The following RBFA variants were observed in gnomAD, a reference collection of about 807,000 sequenced individuals.
The protein encoded by RBFA is putative ribosome-binding factor A, mitochondrial.
Under a neutral mutation model 27.9 loss-of-function variants are expected in RBFA, and 16 were observed. The ratio of observed to expected loss-of-function variants is 0.57; its 90% confidence interval spans 0.39 to 0.87. The LOEUF (loss-of-function observed/expected upper bound fraction) is 0.87, where lower values mean the gene tolerates loss of function less well. RBFA is among the 40% of genes least tolerant of loss of function. The pLI, the probability that RBFA is intolerant of heterozygous loss-of-function variation, is 0.00. For missense variants in RBFA, 456 were observed against 432.1 expected, an observed-to-expected ratio of 1.06 and a Z score of -0.49; for synonymous variants, 181 against 181.0, an observed-to-expected ratio of 1.00 and a Z score of 0.00.
At chr18:80,038,422 C>A in intron 3 of RBFA, 83 bp from the exon 4 acceptor site, 1 of 930,950 alleles carries the variant, frequency 1.1e-6, no homozygotes, top group Non-Finnish European at 1.7e-6. Context: ...GCGTCTGCAG[C>A]TGTCGTTTTC....
At chr18:80,034,914 T>C in intron 1 of RBFA, 1 of 431,844 alleles carries the variant, frequency 2.3e-6, no homozygotes, top group Non-Finnish European at 4.1e-6. Context: ...TTCAGAAGAT[T>C]AGTTTCAGAA....
chr18:80,050,494 A>G lies in RBFA; in HGVS notation c.*4339A>G, dbSNP rs187526225. 1.3e-5 allele frequency among the ~76,000 whole-genome samples: 2 copies of G among 152,296 alleles called. No homozygotes were observed. The highest frequency in any genetic ancestry group is 4.8e-5 in the African/African-American group (2 of 41,558). On this transcript the variant is annotated 3_prime_UTR_variant, in exon 7 of 7. Coordinates refer to ENST00000306735, the MANE Select transcript of RBFA (RefSeq NM_024805.3). ...GCATTTATCCTTTGTGCCACAAACA[A>G]TCCGATTATATTGTTTTAGTTATTT...
Position 80,046,265 on chromosome 18 carries a change from A to T in RBFA, c.*110A>T. 8.1e-7 allele frequency: 1 copy of T among 1,234,036 alleles called. No homozygotes were observed. The highest frequency in any genetic ancestry group is 1.1e-6 in the Non-Finnish European group (1 of 899,750). 76.4% of individuals were successfully genotyped at this position (1,234,036 alleles called of 1,614,324 possible). Reference sequence around the variant, plus strand: ...GAGTTAAACCATCTGCTCTTCTGCTACTTCAACATTTTCTAGCTTTTCCGT... The same window carrying T: ...GAGTTAAACCATCTGCTCTTCTGCTTCTTCAACATTTTCTAGCTTTTCCGT... On this transcript the variant is annotated 3_prime_UTR_variant, in exon 7 of 7. Coordinates refer to ENST00000306735, the MANE Select transcript of RBFA (RefSeq NM_024805.3).
chr18:80,045,851 C>A lies in RBFA; in HGVS notation c.728C>A (p.Ala243Glu). 6.3e-7 allele frequency: 1 copy of A among 1,579,386 alleles called. No individual in the cohort carries two copies. The change falls in exon 7 of 7, where the codon GCG (alanine) becomes GAG (glutamate). Residue 243 changes from alanine to glutamate, a missense_variant. Ala to Glu is a moderately radical substitution (Grantham distance 107). Transcript: ENST00000306735. Reference protein sequence around the residue: ...SSSLCGIDHEALNKQIMEYKR... With the variant: ...SSSLCGIDHEELNKQIMEYKR... ...AGTCTGTGTGGGATCGATCATGAGG[C>A]GCTCAACAAGCAGATTATGGAGTAC...
intron 5 of RBFA, among the ~76,000 whole-genome samples, chr18:80,043,627 A>T (rs2052031172): frequency 6.6e-6 from 1 of 152,110 alleles, no homozygotes; most frequent in African/African-American, 2.4e-5. Context: ...CTATGCTTGG[A>T]GCAGGATGAG....
At position 80,036,587 on chromosome 18, in the gene RBFA, T is replaced by C. The variant is rs187528677; in HGVS notation, c.159-81T>C. On this transcript the variant is annotated intron_variant, in intron 1 of 6. Coordinates refer to ENST00000306735, the MANE Select transcript of RBFA (RefSeq NM_024805.3). The stretch of plus-strand genomic sequence containing the variant: ...AAGTTTAGCCCCCTATAAACAGTTA[T>C]GGTATCATAACCTCTTAAATTAGCT... 715 of 1,027,218 alleles carry C rather than the reference T, an allele frequency of 7.0e-4. 4 individuals carry two copies. The highest frequency in any genetic ancestry group is 9.5e-4 in the Admixed American group (52 of 54,718). 63.6% of individuals were successfully genotyped at this position (1,027,218 alleles called of 1,614,324 possible). A position where few individuals can be genotyped will look rare whatever the true frequency, so the allele number is the denominator to read the frequency against.
At position 80,046,484 on chromosome 18, in the gene RBFA, G is replaced by A. The variant is rs567980473; in HGVS notation, c.*329G>A. 5 of 305,868 alleles carry A rather than the reference G, an allele frequency of 1.6e-5. No individual in the cohort carries two copies. Among genetic ancestry groups the A allele is most frequent in the Middle Eastern group, 1.1e-3 (1 of 894 alleles). 18.9% of individuals were successfully genotyped at this position (305,868 alleles called of 1,614,324 possible). A position where few individuals can be genotyped will look rare whatever the true frequency, so the allele number is the denominator to read the frequency against. Reference sequence around the variant, plus strand: ...TGCCAGTGAGTGCTTGGCCCGAGGGGTCAGGCCACAGCAGTGGCCGGGGTA... The same window carrying A: ...TGCCAGTGAGTGCTTGGCCCGAGGGATCAGGCCACAGCAGTGGCCGGGGTA... On this transcript the variant is annotated 3_prime_UTR_variant, in exon 7 of 7. Transcript: ENST00000306735.
chr18:80,045,228 C>CTTTT (rs35063027), intron 6 of RBFA, among the ~76,000 whole-genome samples: 1 of 138,726 alleles, frequency 7.2e-6, no homozygotes, highest in Non-Finnish European at 1.5e-5. Flanking sequence ...GTTGCAAACG[C>CTTTT]TTTTTTTTTT....
chr18:80,042,062 T>A, intron 4 of RBFA, 73 bp from the exon 5 acceptor site: 1 of 1,107,784 alleles, frequency 9.0e-7, no homozygotes, highest in South Asian at 1.5e-5. Context: ...TTGAATCATA[T>A]GTTCAGCACT....
intron 5 of RBFA, among the ~76,000 whole-genome samples, 165 bp downstream of exon 5, chr18:80,042,384 C>T (rs1260158276): frequency 6.6e-6 from 1 of 151,946 alleles, no homozygotes; most frequent in Non-Finnish European, 1.5e-5. Flanking sequence ...AGCCACCGGG[C>T]CCAGGTAATA....
At chr18:80,036,087 G>A (rs923335797) in intron 1 of RBFA, 6 of 152,292 alleles carry the variant, frequency 3.9e-5, no homozygotes, top group Non-Finnish European at 7.3e-5. Flanking sequence ...CTTCTGGGGT[G>A]TCTGTCTTTT....
chr18:80,036,756 G>A lies in RBFA; in HGVS notation c.201+46G>A, dbSNP rs149174800. The stretch of plus-strand genomic sequence containing the variant: ...ACTTTATAATCTTGATGGGAGTGAG[G>A]GTTTAAAAGTTGGCAAAACTCTTAC... On this transcript the variant is annotated intron_variant, in intron 2 of 6. Coordinates refer to ENST00000306735, the MANE Select transcript of RBFA (RefSeq NM_024805.3). 2.5e-3 allele frequency: 3,741 copies of A among 1,484,106 alleles called. 19 individuals are homozygous for A. The highest frequency in any genetic ancestry group is 2.0e-3 in the Non-Finnish European group (2,111 of 1,076,038). The allele number at this position is 1,484,106 out of a possible 1,614,324, so 91.9% of individuals were successfully genotyped here.
intron 3 of RBFA, 121 bp downstream of exon 3, chr18:80,037,627 C>T (rs949517008): frequency 1.0e-4 from 79 of 793,700 alleles, no homozygotes; most frequent in African/African-American, 6.6e-4. Flanking sequence ...CGGTGGCTCA[C>T]GCCTGTAATC....
At chr18:80,038,762 A>G in intron 4 of RBFA, 145 bp downstream of exon 4, 3 of 606,708 alleles carry the variant, frequency 4.9e-6, no homozygotes, top group Admixed American at 3.2e-5. Context: ...TGAAGTTCAT[A>G]GTATAATTTG....
In RBFA at chr18:80,049,348, C is replaced by T. The variant is rs997530980; in HGVS notation, c.*3193C>T. On this transcript the variant is annotated 3_prime_UTR_variant, in exon 7 of 7. Transcript: ENST00000306735. ...AGGTTAGGGACATGGAAGCTCACGC[C>T]CTTCTGAATGGGTCCACTCCCGGGG... Among the ~76,000 whole-genome samples the T allele has an allele frequency of 6.7e-6, 1 of 150,362 alleles. No individual in the cohort carries two copies. The highest frequency in any genetic ancestry group is 1.5e-5 in the Non-Finnish European group (1 of 67,614).
intron 3 of RBFA, 34 bp downstream of exon 3, chr18:80,037,540 G>A (rs762670594): frequency 5.1e-6 from 8 of 1,570,628 alleles, no homozygotes; most frequent in Non-Finnish European, 6.1e-6. Context: ...GAAATGGGTT[G>A]AGACAGCAGG....
In RBFA at chr18:80,046,062, C is replaced by T. The variant is rs376464436; in HGVS notation, c.939C>T (p.Tyr313=). The T allele has an allele frequency of 5.0e-5, 81 of 1,614,064 alleles. No homozygotes were observed. The highest frequency in any genetic ancestry group is 4.9e-4 in the Middle Eastern group (3 of 6,062). The stretch of plus-strand genomic sequence containing the variant: ...TGGACCTGGTTGGTGCCCCGGAGTA[C>T]GAATGCTATGCCCCGGACACAGAGG... ...DDLDLVGAPE[Y]ECYAPDTEEL... is the part of the protein sequence containing the mutation. The change falls in exon 7 of 7, where the codon TAC becomes TAT. Residue 313 remains tyrosine, a synonymous_variant. Transcript: ENST00000306735.
intron 5 of RBFA, among the ~76,000 whole-genome samples, chr18:80,043,003 C>T (rs377506775): frequency 2.3e-4 from 35 of 152,204 alleles, no homozygotes; most frequent in Non-Finnish European, 4.7e-4. Flanking sequence ...TCCCACCTCT[C>T]GAAATGGATC....
chr18:80,037,574 C>T lies in RBFA; in HGVS notation c.378+68C>T. ...GGCCTGGCACTTACTTTACCTGGCC[C>T]AGTCTTGCCTGACAATTAAAAAAAG... On this transcript the variant is annotated intron_variant, in intron 3 of 6. Transcript: ENST00000306735. The T allele has an allele frequency of 2.1e-6, 3 of 1,400,544 alleles. No homozygotes were observed. In the South Asian group the frequency reaches 3.9e-5, roughly 18 times the overall value. The allele number at this position is 1,400,544 out of a possible 1,614,324, so 86.8% of individuals were successfully genotyped here.
Sources: allele counts gnomAD v4.1 joint callset (sites outside exome capture counted in the v4.1 genomes callset), GRCh38; gene constraint gnomAD v4.1.1; transcripts MANE v1.5; gene names NCBI Gene and HGNC (gene_info 2026-07-23, HGNC 2026-07-21).